The following FBXL7 variants were observed in gnomAD, a reference collection of about 807,000 sequenced individuals.
FBXL7 encodes the protein F-box and leucine rich repeat protein 7.
Under a neutral mutation model 38.3 loss-of-function variants are expected in FBXL7, and 12 were observed. The ratio of observed to expected loss-of-function variants is 0.31; its 90% CI spans 0.20 to 0.51. The LOEUF (loss-of-function observed/expected upper bound fraction) is 0.51, where lower values mean the gene tolerates loss of function less well. Among genes scored for constraint, FBXL7 ranks in the 20% least tolerant of loss-of-function variants. The pLI is 0.98. For synonymous variants in FBXL7, 297 were observed against 300.9 expected, an observed-to-expected ratio of 0.99 and a Z score of 0.13; for missense variants, 567 against 676.4, an observed-to-expected ratio of 0.84 and a Z score of 1.79.
At chr5:15,870,742 A>C (rs1739920019) in intron 2 of FBXL7, among the ~76,000 whole-genome samples, 2 of 152,222 alleles carry the variant, frequency 1.3e-5, no homozygotes, top group Admixed American at 1.3e-4. Context: ...GAGCCACTAT[A>C]GCCAGAATGC....
chr5:15,667,816 A>G (rs764123138), intron 2 of FBXL7, among the ~76,000 whole-genome samples: 13 of 151,974 alleles, frequency 8.6e-5, no homozygotes, highest in Non-Finnish European at 2.9e-5. Flanking sequence ...TTTTCTTTCT[A>G]GTCACTAGAA....
intron 2 of FBXL7, among the ~76,000 whole-genome samples, chr5:15,729,347 G>A (rs1023991412): frequency 7.2e-5 from 11 of 152,074 alleles, no homozygotes; most frequent in Admixed American, 3.9e-4. Context: ...TTGTGCATGG[G>A]TGGCTGACTT....
chr5:15,759,506 C>T (rs1736386182), intron 2 of FBXL7, among the ~76,000 whole-genome samples: 1 of 152,008 alleles, frequency 6.6e-6, no homozygotes, highest in South Asian at 2.1e-4. Flanking sequence ...AAGAAACATC[C>T]TTACTTGTAC....
chr5:15,740,151 C>A (rs972806760), intron 2 of FBXL7, among the ~76,000 whole-genome samples: 1 of 152,044 alleles, frequency 6.6e-6, no homozygotes, highest in Non-Finnish European at 1.5e-5. Context: ...GGAAGAATAC[C>A]CCATAACTGC....
chr5:15,874,720 C>T (rs993973305), intron 2 of FBXL7, among the ~76,000 whole-genome samples: 1 of 152,146 alleles, frequency 6.6e-6, no homozygotes, highest in Non-Finnish European at 1.5e-5. Flanking sequence ...TGTGAAGGAC[C>T]TCTTCAAGGA....
At chr5:15,730,760 C>T (rs796395958) in intron 2 of FBXL7, among the ~76,000 whole-genome samples, 36 of 152,212 alleles carry the variant, frequency 2.4e-4, no homozygotes, top group African/African-American at 7.5e-4. Flanking sequence ...ATATATGATA[C>T]AAAGGGACAG....
intron 2 of FBXL7, among the ~76,000 whole-genome samples, chr5:15,879,390 G>A (rs138837581): frequency 2.0e-5 from 3 of 152,216 alleles, no homozygotes; most frequent in African/African-American, 7.2e-5. Flanking sequence ...GTGTCCCTAG[G>A]GGAGTCTGCA....
intron 2 of FBXL7, among the ~76,000 whole-genome samples, chr5:15,785,489 A>G (rs573793552): frequency 6.6e-6 from 1 of 152,330 alleles, no homozygotes; most frequent in Admixed American, 6.5e-5. Context: ...GAAGTGTTTT[A>G]TACACGGAAG....
chr5:15,794,602 C>A (rs369705854), intron 2 of FBXL7, among the ~76,000 whole-genome samples: 3 of 152,224 alleles, frequency 2.0e-5, no homozygotes, highest in African/African-American at 7.2e-5. Flanking sequence ...CTGCCAGAGC[C>A]TTATAAATGG....
At chr5:15,822,810 A>C (rs1463048932) in intron 2 of FBXL7, among the ~76,000 whole-genome samples, 1 of 152,114 alleles carries the variant, frequency 6.6e-6, no homozygotes, top group African/African-American at 2.4e-5. Context: ...CAGAGATAGA[A>C]TAGGAGTTCC....
chr5:15,510,577 TAAG>T lies in FBXL7; in HGVS notation c.37+9865_37+9867del, dbSNP rs532268826. 4.9e-3 allele frequency among the ~76,000 whole-genome samples: 749 copies of T among 152,028 alleles called. 1 individual carries two copies. Among genetic ancestry groups the T allele is most frequent in the South Asian group, 9.6e-3 (46 of 4,800 alleles). On this transcript the variant is annotated intron_variant, in intron 1 of 3. Coordinates refer to ENST00000504595, the MANE Select transcript of FBXL7 (RefSeq NM_012304.5). ...AGGGGAGGAAGAAAGAACATAAAAA[TAAG>T]GAGAGGAGAGAAGAGGACAAATTCA...
Position 15,928,809 on chromosome 5 carries a change from C to T in FBXL7, c.739+308C>T, listed in dbSNP as rs1459085817. On this transcript the variant is annotated intron_variant, in intron 3 of 3. Coordinates refer to ENST00000504595, the MANE Select transcript of FBXL7 (RefSeq NM_012304.5). The surrounding 1 kb of genome is among the most constrained non-coding windows in gnomAD (Gnocchi z 4.0). The stretch of plus-strand genomic sequence containing the variant: ...ACATGTGCCATGTTGGTGTGCTGCA[C>T]CCATTAACTCGTCATTTAACATTAG... Among the ~76,000 whole-genome samples the T allele has an allele frequency of 6.6e-6, 1 of 152,216 alleles. No homozygotes were observed. The highest frequency in any genetic ancestry group is 1.5e-5 in the Non-Finnish European group (1 of 68,018).
chr5:15,678,413 T>C lies in FBXL7; in HGVS notation c.127+62341T>C, dbSNP rs547517048. On this transcript the variant is annotated intron_variant, in intron 2 of 3. Coordinates refer to ENST00000504595, the MANE Select transcript of FBXL7 (RefSeq NM_012304.5). ...TCTTAAATTGCTTACCGGTGTCATA[T>C]ATGTAAGAAAGCATGCCTTGATAGT... 5.9e-5 allele frequency among the ~76,000 whole-genome samples: 9 copies of C among 152,324 alleles called. No homozygotes were observed. In the South Asian group the frequency reaches 1.0e-3, roughly 18 times the overall value.
rs147320718 is a variant in FBXL7 at position 15,557,328 on chromosome 5, A to G, written c.37+56615A>G. Among the ~76,000 whole-genome samples the G allele has an allele frequency of 5.8e-3, 883 of 152,320 alleles. 9 individuals carry two copies. Among genetic ancestry groups the G allele is most frequent in the African/African-American group, 0.02 (838 of 41,568 alleles). On this transcript the variant is annotated intron_variant, in intron 1 of 3. Coordinates refer to ENST00000504595, the MANE Select transcript of FBXL7 (RefSeq NM_012304.5). ...ATTGGCCTTGCTGCTAAGCCCTACAAAAATGTTAAATACAGAAGTGAGACT... is the reference window on the plus strand; with the variant it reads ...ATTGGCCTTGCTGCTAAGCCCTACAGAAATGTTAAATACAGAAGTGAGACT...
Position 15,540,507 on chromosome 5 carries a change from C to G in FBXL7, c.37+39794C>G, listed in dbSNP as rs371376978. On this transcript the variant is annotated intron_variant, in intron 1 of 3. Transcript: ENST00000504595. ...GCAAGTCCCCAGAAGTTCTTCTAAG[C>G]TTGGGGTAAAATTCTATGCAGTGGT... Among the ~76,000 whole-genome samples the G allele has an allele frequency of 1.6e-4, 24 of 152,200 alleles. No individual in the cohort carries two copies. In the South Asian group the frequency reaches 5.0e-3, roughly 32 times the overall value.
chr5:15,849,582 T>C (rs562563277), intron 2 of FBXL7, among the ~76,000 whole-genome samples: 1 of 152,312 alleles, frequency 6.6e-6, no homozygotes, highest in South Asian at 2.1e-4. Context: ...ATGTAAGACG[T>C]GTCTTTCACC....
intron 1 of FBXL7, among the ~76,000 whole-genome samples, chr5:15,574,774 G>T (rs1738902036): frequency 6.6e-6 from 1 of 152,130 alleles, no homozygotes; most frequent in Admixed American, 6.5e-5. Context: ...CCAACCTTAG[G>T]TCATTTGCTT....
At chr5:15,669,123 T>C (rs372593606) in intron 2 of FBXL7, among the ~76,000 whole-genome samples, 7 of 152,306 alleles carry the variant, frequency 4.6e-5, no homozygotes, top group African/African-American at 1.7e-4. Context: ...TCCTTCCCAG[T>C]GTTCACGCTC....
intron 2 of FBXL7, among the ~76,000 whole-genome samples, chr5:15,860,989 TG>T (rs2126807182): frequency 6.6e-6 from 1 of 152,334 alleles, no homozygotes; most frequent in African/African-American, 2.4e-5. Flanking sequence ...CCACACTTTT[TG>T]CTACCCTAGA....
Sources: allele counts gnomAD v4.1 joint callset (sites outside exome capture counted in the v4.1 genomes callset), GRCh38; gene constraint gnomAD v4.1.1; non-coding constraint Gnocchi (gnomAD v3.1); transcripts MANE v1.5; gene names NCBI Gene and HGNC (gene_info 2026-07-23, HGNC 2026-07-21).